Variants in GALNTL6 observed in about 807,000 individuals in gnomAD.
The protein encoded by GALNTL6 is polypeptide N-acetylgalactosaminyltransferase like 6.
Under a neutral mutation model 73.7 loss-of-function variants are expected in GALNTL6, and 46 were observed. The observed-to-expected ratio is 0.62, with a 90% CI of 0.49 to 0.80. The LOEUF (loss-of-function observed/expected upper bound fraction) is 0.80, where lower values mean the gene tolerates loss of function less well. GALNTL6 is among the 30% of genes least tolerant of loss of function. The pLI, the probability that GALNTL6 is intolerant of heterozygous loss-of-function variation, is 0.00. For synonymous variants in GALNTL6, 259 were observed against 263.7 expected (o/e 0.98, Z 0.17); for missense variants, 604 against 755.0 (o/e 0.80, Z 2.34).
At chr4:172,412,316 A>C (rs1056689156) in intron 5 of GALNTL6, among the ~76,000 whole-genome samples, 1 of 152,152 alleles carries the variant, frequency 6.6e-6, no homozygotes, top group African/African-American at 2.4e-5. Context: ...TGCTGGGATT[A>C]CAGGGGTGAG....
At chr4:172,570,962 A>G (rs1182339202) in intron 5 of GALNTL6, among the ~76,000 whole-genome samples, 1 of 152,152 alleles carries the variant, frequency 6.6e-6, no homozygotes, top group Non-Finnish European at 1.5e-5. Flanking sequence ...TCGTATGAGC[A>G]TCTAATGCCC....
intron 3 of GALNTL6, among the ~76,000 whole-genome samples, chr4:172,290,633 C>A (rs1184955257): frequency 6.6e-6 from 1 of 151,834 alleles, no homozygotes; most frequent in Non-Finnish European, 1.5e-5. Context: ...ACTAGAGCTT[C>A]AGATAATATT....
At chr4:172,176,346 A>AAAAAAAAAAAAAAAAAAAAAAAAAAG (rs1463765997) in intron 2 of GALNTL6, among the ~76,000 whole-genome samples, 2 of 147,892 alleles carry the variant, frequency 1.4e-5, no homozygotes, top group Non-Finnish European at 3.0e-5. Context: ...TCAAAAAAAA[A>AAAAAAAAAAAAAAAAAAAAAAAAAAG]AAAAAAAAAA....
intron 10 of GALNTL6, among the ~76,000 whole-genome samples, chr4:172,957,698 G>A (rs1476549119): frequency 6.6e-6 from 1 of 152,296 alleles, no homozygotes; most frequent in East Asian, 1.9e-4. Flanking sequence ...TTGCATGGTG[G>A]TGCAGGATAT....
intron 2 of GALNTL6, among the ~76,000 whole-genome samples, chr4:171,954,310 A>G (rs1230382240): frequency 6.6e-6 from 1 of 152,230 alleles, no homozygotes; most frequent in Non-Finnish European, 1.5e-5. Flanking sequence ...AGTCCAATAG[A>G]AGTTTCAAAA....
intron 8 of GALNTL6, among the ~76,000 whole-genome samples, chr4:172,883,940 C>T (rs1306360665): frequency 6.6e-6 from 1 of 152,128 alleles, no homozygotes; most frequent in Non-Finnish European, 1.5e-5. Flanking sequence ...TCAGTTCCAT[C>T]TATGTTCCTG....
chr4:171,910,934 A>G (rs576540199), intron 2 of GALNTL6, among the ~76,000 whole-genome samples: 53 of 152,270 alleles, frequency 3.5e-4, no homozygotes, highest in Non-Finnish European at 7.4e-4. Flanking sequence ...TAGTTATTCA[A>G]AATTTGCACT....
intron 7 of GALNTL6, among the ~76,000 whole-genome samples, chr4:172,848,604 C>T (rs901685901): frequency 6.6e-6 from 1 of 152,056 alleles, no homozygotes; most frequent in Non-Finnish European, 1.5e-5. Flanking sequence ...AGTTTAAGAC[C>T]TCATCTTGAG....
chr4:172,717,064 CCTCA>C (rs1735149199), intron 5 of GALNTL6, among the ~76,000 whole-genome samples: 1 of 152,084 alleles, frequency 6.6e-6, no homozygotes, highest in African/African-American at 2.4e-5. Flanking sequence ...AATTCCTGGG[CCTCA>C]CACCTACCAG....
intron 2 of GALNTL6, among the ~76,000 whole-genome samples, chr4:172,127,665 A>C (rs1429337793): frequency 6.6e-6 from 1 of 152,230 alleles, no homozygotes; most frequent in Non-Finnish European, 1.5e-5. Context: ...TTTGCCAATA[A>C]CTCATAAGAT....
At chr4:172,202,692 A>T (rs1735993882) in intron 2 of GALNTL6, among the ~76,000 whole-genome samples, 1 of 152,180 alleles carries the variant, frequency 6.6e-6, no homozygotes, top group African/African-American at 2.4e-5. Flanking sequence ...GCAAATACTC[A>T]GTGCCAGTAG....
At chr4:172,274,151 C>A (rs143185048) in intron 3 of GALNTL6, among the ~76,000 whole-genome samples, 10 of 152,194 alleles carry the variant, frequency 6.6e-5, no homozygotes, top group African/African-American at 2.4e-4. Context: ...GACAGTGTTA[C>A]TTAATTCACA....
chr4:172,871,572 C>G (rs1334602856), intron 7 of GALNTL6, among the ~76,000 whole-genome samples: 1 of 146,440 alleles, frequency 6.8e-6, no homozygotes. Flanking sequence ...GCAGTAGGAT[C>G]TATAGTCTCT....
intron 9 of GALNTL6, among the ~76,000 whole-genome samples, chr4:172,945,965 G>A (rs1311853792): frequency 6.6e-6 from 1 of 152,174 alleles, no homozygotes; most frequent in African/African-American, 2.4e-5. Context: ...GCACTCTTAA[G>A]CATCAAAGAG....
chr4:172,454,385 C>T (rs1293406313), intron 5 of GALNTL6, among the ~76,000 whole-genome samples: 1 of 152,216 alleles, frequency 6.6e-6, no homozygotes, highest in African/African-American at 2.4e-5. Flanking sequence ...AATGCAATAG[C>T]TTCTAGGACC....
At chr4:172,751,822 T>C (rs1297682849) in intron 5 of GALNTL6, among the ~76,000 whole-genome samples, 1 of 152,204 alleles carries the variant, frequency 6.6e-6, no homozygotes, top group Non-Finnish European at 1.5e-5. Context: ...AGCAGTTCTG[T>C]CTACCAACTT....
intron 5 of GALNTL6, among the ~76,000 whole-genome samples, chr4:172,424,729 G>T (rs1322783218): frequency 1.3e-5 from 2 of 152,044 alleles, no homozygotes; most frequent in African/African-American, 4.8e-5. Context: ...GGTTTTTATG[G>T]TCCAGAATTG....
chr4:172,789,435 G>A lies in GALNTL6; in HGVS notation c.554-19926G>A, dbSNP rs553432278. Among the ~76,000 whole-genome samples, 209 of 152,102 alleles carry A rather than the reference G, an allele frequency of 1.4e-3. 1 individual carries two copies. The highest frequency in any genetic ancestry group is 2.3e-3 in the Non-Finnish European group (155 of 68,004). ...TTTTTTGCAATTATTTTTTTAGCTC[G>A]TCAGCTATCGTTTGTGTTAGTGTAT... On this transcript the variant is annotated intron_variant, in intron 5 of 12. Transcript: ENST00000506823.
intron 5 of GALNTL6, among the ~76,000 whole-genome samples, chr4:172,719,821 G>C (rs1038969916): frequency 6.6e-6 from 1 of 152,170 alleles, no homozygotes; most frequent in Non-Finnish European, 1.5e-5. Context: ...TCCACAGACA[G>C]AGCAGCCCCG....
Sources: allele counts gnomAD v4.1 joint callset (sites outside exome capture counted in the v4.1 genomes callset), GRCh38; gene constraint gnomAD v4.1.1; transcripts MANE v1.5; gene names NCBI Gene and HGNC (gene_info 2026-07-23, HGNC 2026-07-21).